Variants in SYNDIG1 observed in about 807,000 individuals in gnomAD.
The protein encoded by SYNDIG1 is synapse differentiation inducing 1.
A neutral mutation model predicts 19.4 loss-of-function variants in SYNDIG1; 9 were observed. The observed-to-expected ratio is 0.46, with a 90% CI of 0.28 to 0.81. The LOEUF is 0.81. SYNDIG1 is among the 30% of genes least tolerant of loss of function. SYNDIG1 has a pLI of 0.12. For missense variants in SYNDIG1, 311 were observed against 343.3 expected (o/e 0.91, Z 0.74); for synonymous variants, 141 against 145.9 (o/e 0.97, Z 0.24).
At chr20:24,617,785 G>C (rs529738372) in intron 3 of SYNDIG1, among the ~76,000 whole-genome samples, 1 of 148,514 alleles carries the variant, frequency 6.7e-6, no homozygotes, top group Admixed American at 6.7e-5. Context: ...AGAGGGGAGA[G>C]CCCGGGAAGG....
At chr20:24,517,161 G>A (rs1398543647) in intron 1 of SYNDIG1, among the ~76,000 whole-genome samples, 1 of 152,020 alleles carries the variant, frequency 6.6e-6, no homozygotes, top group Non-Finnish European at 1.5e-5. Flanking sequence ...TTGGGTGGGG[G>A]AAGCAGGGAG....
At chr20:24,552,984 T>A (rs1226299546) in intron 2 of SYNDIG1, among the ~76,000 whole-genome samples, 2 of 152,034 alleles carry the variant, frequency 1.3e-5, no homozygotes, top group African/African-American at 4.8e-5. Flanking sequence ...GTTTCCTGAC[T>A]TTTTAATGAT....
chr20:24,665,099 G>A (rs1201183846), intron 3 of SYNDIG1, among the ~76,000 whole-genome samples: 2 of 152,020 alleles, frequency 1.3e-5, no homozygotes, highest in Non-Finnish European at 2.9e-5. Context: ...TATTCCCTTG[G>A]GGCCAAGTAG....
chr20:24,530,818 T>C (rs1225956499), intron 1 of SYNDIG1, among the ~76,000 whole-genome samples: 2 of 151,736 alleles, frequency 1.3e-5, no homozygotes, highest in African/African-American at 2.4e-5. Context: ...TTTGTTTTTT[T>C]TTTTTTCGGA....
chr20:24,642,040 C>A (rs752131059), intron 3 of SYNDIG1, among the ~76,000 whole-genome samples: 1 of 152,184 alleles, frequency 6.6e-6, no homozygotes, highest in African/African-American at 2.4e-5. Context: ...CAAAAAGAAC[C>A]ATAGTCCATA....
chr20:24,550,242 C>T (rs1050061090), intron 2 of SYNDIG1, among the ~76,000 whole-genome samples: 53 of 152,140 alleles, frequency 3.5e-4, no homozygotes, highest in African/African-American at 1.3e-3. Flanking sequence ...TTGTTGGAGA[C>T]CTAGGTTAAT....
At chr20:24,655,716 C>T (rs2059517901) in intron 3 of SYNDIG1, among the ~76,000 whole-genome samples, 1 of 150,664 alleles carries the variant, frequency 6.6e-6, no homozygotes. Flanking sequence ...TATACATACA[C>T]TTATCAGCAA....
chr20:24,629,327 C>T (rs1568700229), intron 3 of SYNDIG1, among the ~76,000 whole-genome samples: 1 of 152,188 alleles, frequency 6.6e-6, no homozygotes, highest in Non-Finnish European at 1.5e-5. Context: ...GGGGAGACTT[C>T]CTCAGCAGTG....
In SYNDIG1 at chr20:24,481,377, C is replaced by G. The variant is rs768885687; in HGVS notation, c.-79+11624C>G. On this transcript the variant is annotated intron_variant, in intron 1 of 3. Coordinates refer to ENST00000376862, the MANE Select transcript of SYNDIG1 (RefSeq NM_024893.3). The stretch of plus-strand genomic sequence containing the variant: ...AGTCCTTGCCCAGGTTGGGCTCACT[C>G]GAAGCCTGGACCAGGAGCACCTACA... 5.3e-5 allele frequency among the ~76,000 whole-genome samples: 8 copies of G among 152,128 alleles called. No individual in the cohort carries two copies. In the East Asian group the frequency reaches 7.7e-4, roughly 15 times the overall value.
rs188884416 is a variant in SYNDIG1, at chr20:24,549,567, G to A, written c.480+5990G>A. On this transcript the variant is annotated intron_variant, in intron 2 of 3. Transcript: ENST00000376862. ...GCAGAGGCTGGGGCGAGTGCTTTAT[G>A]CTCTGGCCTTGCAGTAGTGTCTAGG... Among the ~76,000 whole-genome samples the A allele has an allele frequency of 2.0e-5, 3 of 152,260 alleles. No individual in the cohort carries two copies. In the East Asian group the frequency reaches 5.8e-4, roughly 29 times the overall value.
chr20:24,565,046 T>TA (rs2058019262), intron 2 of SYNDIG1, among the ~76,000 whole-genome samples: 1 of 152,204 alleles, frequency 6.6e-6, no homozygotes, highest in Admixed American at 6.5e-5. Flanking sequence ...TGGTGTTCAT[T>TA]AAAAAACACC....
chr20:24,509,961 C>T (rs1046167762), intron 1 of SYNDIG1, among the ~76,000 whole-genome samples: 11 of 152,058 alleles, frequency 7.2e-5, no homozygotes, highest in South Asian at 2.1e-4. Flanking sequence ...AGTGAGTTCT[C>T]CTGAGATCTG....
intron 1 of SYNDIG1, among the ~76,000 whole-genome samples, chr20:24,496,542 G>A (rs2056310496): frequency 6.6e-6 from 1 of 152,190 alleles, no homozygotes; most frequent in South Asian, 2.1e-4. Context: ...ACACCTGGGT[G>A]TAACTCTTAC....
Position 24,529,232 on chromosome 20 carries a change from A to G in SYNDIG1, c.-78-13788A>G, listed in dbSNP as rs529211704. Reference sequence around the variant, plus strand: ...AACCATGGACTGTGTGTGTGGGAGGACATCACTGTTGATGGTAATGATGAC... The same window carrying G: ...AACCATGGACTGTGTGTGTGGGAGGGCATCACTGTTGATGGTAATGATGAC... On this transcript the variant is annotated intron_variant, in intron 1 of 3. Coordinates refer to ENST00000376862, the MANE Select transcript of SYNDIG1 (RefSeq NM_024893.3). Among the ~76,000 whole-genome samples the G allele has an allele frequency of 1.2e-4, 18 of 152,076 alleles. No homozygotes were observed. The South Asian group carries it at 3.5e-3, about 30-fold the overall frequency.
At chr20:24,580,434 G>A (rs1377615804) in intron 2 of SYNDIG1, among the ~76,000 whole-genome samples, 2 of 152,002 alleles carry the variant, frequency 1.3e-5, no homozygotes, top group African/African-American at 2.4e-5. Flanking sequence ...TTTTTGAGAC[G>A]GAGCCTCACT....
At chr20:24,628,746 C>T (rs2059196420) in intron 3 of SYNDIG1, among the ~76,000 whole-genome samples, 1 of 152,184 alleles carries the variant, frequency 6.6e-6, no homozygotes, top group Non-Finnish European at 1.5e-5. Flanking sequence ...ACCCCTGCTC[C>T]ACCCTTTCCC....
intron 2 of SYNDIG1, among the ~76,000 whole-genome samples, chr20:24,559,238 G>T (rs1390724074): frequency 6.6e-6 from 1 of 152,168 alleles, no homozygotes; most frequent in East Asian, 1.9e-4. Context: ...AACAAGCCAG[G>T]CACAGGAAGA....
intron 2 of SYNDIG1, among the ~76,000 whole-genome samples, chr20:24,556,115 G>C (rs4552249): frequency 0.55 from 82,605 of 151,508 alleles, 22,645 homozygotes; most frequent in South Asian, 0.64. Context: ...TTATCAGAGA[G>C]TAGGATTGCA....
At chr20:24,554,024 C>A (rs1372556494) in intron 2 of SYNDIG1, among the ~76,000 whole-genome samples, 1 of 152,200 alleles carries the variant, frequency 6.6e-6, no homozygotes, top group African/African-American at 2.4e-5. Flanking sequence ...AGGTCCTTCA[C>A]ATGCCTTGTA....
Sources: gnomAD v4.1 joint callset for allele counts (sites outside exome capture counted in the v4.1 genomes callset) on GRCh38, gnomAD v4.1.1 for gene constraint, MANE v1.5 for transcripts, NCBI Gene and HGNC (gene_info 2026-07-23, HGNC 2026-07-21) for gene names.